The following EMB variants were observed in gnomAD, a reference collection of about 807,000 sequenced individuals.
EMB encodes embigin homolog.
A neutral mutation model predicts 41.4 loss-of-function variants in EMB; 31 were observed. The ratio of observed to expected loss-of-function variants is 0.75; its 90% CI spans 0.56 to 1.01. The LOEUF is 1.01. Among genes scored for constraint, EMB ranks in the 50% least tolerant of loss-of-function variants. The pLI is 0.00. For missense variants in EMB, 379 were observed against 388.3 expected (o/e 0.98, Z 0.20); for synonymous variants, 137 against 140.4 (o/e 0.98, Z 0.17).
rs534211817 is a variant in EMB, at chr5:50,396,378, A to C, written c.*2895T>G. Reference sequence around the variant, plus strand: ...CCCTTTCAGTGGTAGTTACAGGACAAAGAAACAAAATAATCCAAGAGAGAG... The same window carrying C: ...CCCTTTCAGTGGTAGTTACAGGACACAGAAACAAAATAATCCAAGAGAGAG... On this transcript the variant is annotated 3_prime_UTR_variant, in exon 9 of 9. Coordinates refer to ENST00000303221, the MANE Select transcript of EMB (RefSeq NM_198449.3). 1.3e-5 allele frequency: 2 copies of C among 152,286 alleles called. No homozygotes were observed. The highest frequency in any genetic ancestry group is 3.9e-4 in the East Asian group (2 of 5,178). 9.4% of individuals were successfully genotyped at this position (152,286 alleles called of 1,614,324 possible).
At chr5:50,399,948 C>T (rs774459283) in intron 7 of EMB, 35 bp from the exon 8 acceptor site, 1 of 1,477,754 alleles carries the variant, frequency 6.8e-7, no homozygotes, top group South Asian at 1.2e-5. Context: ...TTACTAAATG[C>T]TTATATTATA....
chr5:50,410,556 GAGGACTATTAT>G (rs1745319255), intron 4 of EMB, among the ~76,000 whole-genome samples: 1 of 152,098 alleles, frequency 6.6e-6, no homozygotes, highest in Non-Finnish European at 1.5e-5. Context: ...TAGAAACGTG[GAGGACTATTAT>G]AAGAGCTATG....
At chr5:50,405,076 G>T (rs1745226496) in intron 5 of EMB, among the ~76,000 whole-genome samples, 1 of 151,870 alleles carries the variant, frequency 6.6e-6, no homozygotes, top group African/African-American at 2.4e-5. Context: ...CCTGCCATTA[G>T]AGGCTATTTG....
rs987812818 is a variant in EMB, at chr5:50,428,705, G to A, written c.113-478C>T. Reference sequence around the variant, plus strand: ...AGAAGATAAAATGGCTGACGGGCCAGTTTGGGTTGCTATTTGTTTTCTAGC... The same window carrying A: ...AGAAGATAAAATGGCTGACGGGCCAATTTGGGTTGCTATTTGTTTTCTAGC... On this transcript the variant is annotated intron_variant, in intron 1 of 8. Coordinates refer to ENST00000303221, the MANE Select transcript of EMB (RefSeq NM_198449.3). 4.0e-5 allele frequency: 39 copies of A among 985,132 alleles called. No individual in the cohort carries two copies. In the African/African-American group the frequency reaches 6.5e-4, roughly 16 times the overall value. The allele number at this position is 985,132 out of a possible 1,614,324, so 61.0% of individuals were successfully genotyped here. A position where few individuals can be genotyped will look rare whatever the true frequency, so the allele number is the denominator to read the frequency against.
chr5:50,399,390 G>A, intron 8 of EMB, 100 bp from the exon 9 acceptor site: 1 of 1,508,582 alleles, frequency 6.6e-7, no homozygotes, highest in Non-Finnish European at 8.9e-7. Context: ...TGGGAAGTGA[G>A]GGATCCAATC....
intron 1 of EMB, among the ~76,000 whole-genome samples, chr5:50,440,739 T>C (rs1745891674): frequency 6.6e-6 from 1 of 152,020 alleles, no homozygotes; most frequent in Non-Finnish European, 1.5e-5. Context: ...CACTGCCTTC[T>C]TCCTAGGAAA....
chr5:50,404,437 C>T (rs1417346667), intron 5 of EMB, among the ~76,000 whole-genome samples: 2 of 151,926 alleles, frequency 1.3e-5, no homozygotes, highest in Admixed American at 1.3e-4. Context: ...TGAAAAGGCA[C>T]TTGTGCTCAA....
At chr5:50,412,401 C>G (rs1185672955) in intron 2 of EMB, among the ~76,000 whole-genome samples, 1 of 152,048 alleles carries the variant, frequency 6.6e-6, no homozygotes, top group Non-Finnish European at 1.5e-5. Flanking sequence ...CTCCAAAAAA[C>G]CTCCATTGTC....
rs912858784 is a variant in EMB, at chr5:50,398,165, G to A, written c.*1108C>T. 1 of 150,666 alleles carries A rather than the reference G, an allele frequency of 6.6e-6. No individual in the cohort carries two copies. Among genetic ancestry groups the A allele is most frequent in the Non-Finnish European group, 1.5e-5 (1 of 67,748 alleles). 9.3% of individuals were successfully genotyped at this position (150,666 alleles called of 1,614,324 possible). A position where few individuals can be genotyped will look rare whatever the true frequency, so the allele number is the denominator to read the frequency against. Reference sequence around the variant, plus strand: ...CATTTATGTTATCTAGTATCTTGTGGTATGATTTTAGTATTCATTCAAGCA... The same window carrying A: ...CATTTATGTTATCTAGTATCTTGTGATATGATTTTAGTATTCATTCAAGCA... On this transcript the variant is annotated 3_prime_UTR_variant, in exon 9 of 9. Coordinates refer to ENST00000303221, the MANE Select transcript of EMB (RefSeq NM_198449.3).
At chr5:50,440,709 C>T (rs1745890859) in intron 1 of EMB, among the ~76,000 whole-genome samples, 1 of 152,118 alleles carries the variant, frequency 6.6e-6, no homozygotes, top group South Asian at 2.1e-4. Flanking sequence ...TAGCTGGTCC[C>T]TGCAACCACC....
At chr5:50,413,599 G>A (rs1010312158) in intron 2 of EMB, among the ~76,000 whole-genome samples, 1 of 117,822 alleles carries the variant, frequency 8.5e-6, no homozygotes, top group Non-Finnish European at 1.8e-5. Context: ...TTTTTTTTTT[G>A]AGATGGAGCC....
chr5:50,413,061 C>A (rs114806182), intron 2 of EMB, among the ~76,000 whole-genome samples: 2 of 152,000 alleles, frequency 1.3e-5, no homozygotes, highest in Admixed American at 6.6e-5. Flanking sequence ...TACATACACA[C>A]GCGCCCACGC....
intron 2 of EMB, among the ~76,000 whole-genome samples, chr5:50,414,344 G>T (rs773465373): frequency 4.0e-5 from 6 of 151,648 alleles, no homozygotes; most frequent in Non-Finnish European, 7.4e-5. Flanking sequence ...GGCCAACATG[G>T]TGAGACCTCA....
rs1403421757 is a variant in EMB, at chr5:50,410,895, C to G, written c.454G>C (p.Gly152Arg). The G allele has an allele frequency of 3.1e-6, 5 of 1,597,800 alleles. No homozygotes were observed. In the African/African-American group the frequency reaches 4.1e-5, roughly 13 times the overall value. ...TACTGACCTTTGAAATTAAATGTTC[C>G]CCTTTGTTCCTTTTCCTCTCGAAAG... The part of the protein sequence containing the change: ...CFFREEKEQR[G>R]TFNFKVPELH... Residue 152 changes from glycine to arginine, a missense_variant, in exon 4 of 9, where the codon GGA becomes CGA. Coordinates refer to ENST00000303221, the MANE Select transcript of EMB (RefSeq NM_198449.3).
chr5:50,440,024 G>A (rs1472578734), intron 1 of EMB, among the ~76,000 whole-genome samples: 1 of 152,072 alleles, frequency 6.6e-6, no homozygotes, highest in Non-Finnish European at 1.5e-5. Flanking sequence ...TTTCGTGTTG[G>A]CTTTGTTAAT....
intron 2 of EMB, among the ~76,000 whole-genome samples, chr5:50,419,799 A>C (rs1745488269): frequency 6.6e-6 from 1 of 152,158 alleles, no homozygotes; most frequent in Non-Finnish European, 1.5e-5. Flanking sequence ...TCAATGATAG[A>C]CTGGATAAAG....
rs751652831 is a variant in EMB at position 50,399,318 on chromosome 5, T to A, written c.967-28A>T. Reference sequence around the variant, plus strand: ...GAGTTAAATAAAGCATAATCAAATATAATTAGTATGTTCTGGTTATTTTAT... The same window carrying A: ...GAGTTAAATAAAGCATAATCAAATAAAATTAGTATGTTCTGGTTATTTTAT... On this transcript the variant is annotated intron_variant, in intron 8 of 8. Coordinates refer to ENST00000303221, the MANE Select transcript of EMB (RefSeq NM_198449.3). 45 of 1,605,040 alleles carry A rather than the reference T, an allele frequency of 2.8e-5. No homozygotes were observed. The Middle Eastern group carries it at 5.0e-4, about 18-fold the overall frequency.
chr5:50,413,822 C>A (rs1415342159), intron 2 of EMB, among the ~76,000 whole-genome samples: 1 of 152,062 alleles, frequency 6.6e-6, no homozygotes, highest in Non-Finnish European at 1.5e-5. Context: ...AGGCGATCTG[C>A]CTGCCTTGGA....
intron 8 of EMB, among the ~76,000 whole-genome samples, 162 bp downstream of exon 8, chr5:50,399,697 T>C (rs1309249240): frequency 6.6e-6 from 1 of 152,006 alleles, no homozygotes; most frequent in African/African-American, 2.4e-5. Context: ...TTTGTATAAC[T>C]ATACTGTATA....
Sources: allele counts gnomAD v4.1 joint callset (sites outside exome capture counted in the v4.1 genomes callset), GRCh38; gene constraint gnomAD v4.1.1; transcripts MANE v1.5; gene names NCBI Gene and HGNC (gene_info 2026-07-23, HGNC 2026-07-21).